The following KAZN variants were observed in gnomAD, a reference collection of about 807,000 sequenced individuals.
KAZN encodes the protein kazrin, periplakin interacting protein.
In KAZN, 40 loss-of-function variants were observed where a neutral mutation model predicts 87.4. The observed-to-expected ratio is 0.46, with a 90% confidence interval of 0.36 to 0.60. The LOEUF is 0.60. Among genes scored for constraint, KAZN ranks in the 20% least tolerant of loss-of-function variants. KAZN has a pLI of 0.00. For synonymous variants in KAZN, 466 were observed against 458.3 expected (o/e 1.02, Z -0.22); for missense variants, 898 against 1,073.9 (o/e 0.84, Z 2.29).
chr1:14,380,889 G>C (rs918527581), intron 2 of KAZN, among the ~76,000 whole-genome samples: 2 of 152,152 alleles, frequency 1.3e-5, no homozygotes, highest in African/African-American at 4.8e-5. Flanking sequence ...AGAATACCAA[G>C]CAGTTTAACC....
intron 1 of KAZN, among the ~76,000 whole-genome samples, chr1:14,763,734 T>C (rs896815071): frequency 6.6e-6 from 1 of 152,078 alleles, no homozygotes; most frequent in Non-Finnish European, 1.5e-5. Context: ...ATGTAGGTAT[T>C]GATACTTGTT....
intron 1 of KAZN, among the ~76,000 whole-genome samples, chr1:14,655,736 C>T (rs1638751285): frequency 6.6e-6 from 1 of 152,214 alleles, no homozygotes; most frequent in Non-Finnish European, 1.5e-5. Context: ...ACTTTTGCAT[C>T]TACCGAATAA....
chr1:14,593,317 CT>C (rs759555808), intron 2 of KAZN, among the ~76,000 whole-genome samples: 9 of 152,194 alleles, frequency 5.9e-5, no homozygotes, highest in Non-Finnish European at 1.3e-4. Flanking sequence ...CAACCACAAA[CT>C]CTTTGGAGAA....
At chr1:15,010,408 T>C (rs75215848) in intron 2 of KAZN, among the ~76,000 whole-genome samples, 2 of 92,042 alleles carry the variant, frequency 2.2e-5, no homozygotes, top group Non-Finnish European at 4.5e-5. Flanking sequence ...TTTTTTTTTT[T>C]GAGACGGAGT....
intron 2 of KAZN, among the ~76,000 whole-genome samples, chr1:14,549,642 A>G (rs1218115740): frequency 7.2e-6 from 1 of 139,360 alleles, no homozygotes; most frequent in Admixed American, 7.4e-5. Flanking sequence ...CAGGACAAGG[A>G]ACTTGCTACT....
chr1:14,662,056 C>A (rs1276028224), intron 1 of KAZN, among the ~76,000 whole-genome samples: 1 of 152,176 alleles, frequency 6.6e-6, no homozygotes, highest in African/African-American at 2.4e-5. Flanking sequence ...GTCTCTTCAT[C>A]CATAAAGTGG....
At chr1:14,358,844 TTATGTGGTCAATTTTAGAATAAGTGC>T (rs902549041) in intron 2 of KAZN, among the ~76,000 whole-genome samples, 2 of 152,138 alleles carry the variant, frequency 1.3e-5, no homozygotes, top group African/African-American at 4.8e-5. Context: ...TTACTTCCAA[TTATGTGGTCAATTTTAGAATAAGTGC>T]TATGTGGTGC....
intron 2 of KAZN, among the ~76,000 whole-genome samples, chr1:14,392,026 G>A (rs1447495031): frequency 6.6e-6 from 1 of 152,166 alleles, no homozygotes; most frequent in Non-Finnish European, 1.5e-5. Context: ...CCAGGAATAT[G>A]ACAAGTCCTT....
chr1:14,034,214 A>G (rs1198767585), intron 1 of KAZN, among the ~76,000 whole-genome samples: 1 of 152,218 alleles, frequency 6.6e-6, no homozygotes, highest in Non-Finnish European at 1.5e-5. Flanking sequence ...CCATACCACA[A>G]AAGAAAAAGA....
intron 1 of KAZN, among the ~76,000 whole-genome samples, chr1:14,610,921 GT>G (rs1677767127): frequency 6.6e-6 from 1 of 152,140 alleles, no homozygotes; most frequent in Non-Finnish European, 1.5e-5. Flanking sequence ...AAATATGTTG[GT>G]TTGAATTCTC....
chr1:14,133,388 A>AGAAG (rs1645039009), intron 1 of KAZN, among the ~76,000 whole-genome samples: 1 of 34,572 alleles, frequency 2.9e-5, no homozygotes, highest in Non-Finnish European at 4.5e-5. Context: ...AAAGAAAGAA[A>AGAAG]GAAAGAAAGA....
intron 14 of KAZN, chr1:15,114,229 C>A: frequency 2.2e-6 from 1 of 460,066 alleles, no homozygotes; most frequent in Non-Finnish European, 4.0e-6. Context: ...TTGTCCTCAC[C>A]CTTGGTAACC....
At chr1:14,050,869 G>T (rs1642300150) in intron 1 of KAZN, among the ~76,000 whole-genome samples, 1 of 152,192 alleles carries the variant, frequency 6.6e-6, no homozygotes. Context: ...AAAGCAGGTG[G>T]CTGAGAGTAT....
At chr1:15,087,864 T>G (rs921951542) in intron 8 of KAZN, among the ~76,000 whole-genome samples, 1 of 152,220 alleles carries the variant, frequency 6.6e-6, no homozygotes, top group African/African-American at 2.4e-5. Flanking sequence ...GCTGAACACT[T>G]TGCACACATC....
intron 1 of KAZN, among the ~76,000 whole-genome samples, chr1:14,076,455 A>T (rs959762989): frequency 3.9e-5 from 6 of 152,204 alleles, no homozygotes; most frequent in Admixed American, 2.6e-4. Flanking sequence ...ATCACATCTC[A>T]GAAAGAACCA....
At chr1:14,342,300 T>G (rs549813619) in intron 2 of KAZN, among the ~76,000 whole-genome samples, 7 of 152,318 alleles carry the variant, frequency 4.6e-5, no homozygotes, top group African/African-American at 1.4e-4. Flanking sequence ...TGAACATACA[T>G]GTACATGTGC....
rs1037024903 is a variant in KAZN at position 15,066,062 on chromosome 1, T to C, written c.1222+309T>C. 5.0e-6 allele frequency: 6 copies of C among 1,197,132 alleles called. No homozygotes were observed. The highest frequency in any genetic ancestry group is 4.2e-5 in the South Asian group (1 of 23,974). 74.2% of individuals were successfully genotyped at this position (1,197,132 alleles called of 1,614,324 possible). On this transcript the variant is annotated intron_variant, in intron 8 of 14. Transcript: ENST00000376030. The surrounding 1 kb of genome is among the most constrained non-coding windows in gnomAD (Gnocchi z 4.3). ...CAACTCTCTGTCGTCTTTGGAGCGA[T>C]ACAGTTGTGTTGTTAATCTGGTTTA...
At chr1:14,509,435 G>T (rs772960711) in intron 2 of KAZN, among the ~76,000 whole-genome samples, 12 of 152,216 alleles carry the variant, frequency 7.9e-5, no homozygotes, top group Non-Finnish European at 1.5e-4. Context: ...GATGGATGGA[G>T]ATGTGGCCCA....
At position 13,984,354 on chromosome 1, in the gene KAZN, G is replaced by C. The variant is rs144550102; in HGVS notation, c.91+90598G>C. On this transcript the variant is annotated intron_variant, in intron 1 of 16. Coordinates refer to the KAZN transcript ENST00000636203. ...AAAGTCTTGGAAGCTTCTAGGAAAC[G>C]GGCAATGGGCTGTTCTTTACTGGAA... is the stretch of plus-strand genomic sequence containing the variant. 1.7e-4 allele frequency among the ~76,000 whole-genome samples: 26 copies of C among 152,274 alleles called. No individual in the cohort carries two copies. In the East Asian group the frequency reaches 4.8e-3, roughly 28 times the overall value.
Sources: allele counts gnomAD v4.1 joint callset (sites outside exome capture counted in the v4.1 genomes callset), GRCh38; gene constraint gnomAD v4.1.1; non-coding constraint Gnocchi (gnomAD v3.1); transcripts MANE v1.5; gene names NCBI Gene and HGNC (gene_info 2026-07-23, HGNC 2026-07-21).